Variants in PLEKHH2 observed in about 807,000 individuals in gnomAD.
PLEKHH2 encodes pleckstrin homology, MyTH4 and FERM domain containing H2, also known as pleckstrin homology domain-containing family H member 2.
In PLEKHH2, 129 loss-of-function variants were observed where a neutral mutation model predicts 187.9. The observed-to-expected ratio is 0.69, with a 90% CI of 0.59 to 0.79. The LOEUF (loss-of-function observed/expected upper bound fraction) is 0.79, where lower values mean the gene tolerates loss of function less well. Among genes scored for constraint, PLEKHH2 ranks in the 30% least tolerant of loss-of-function variants. PLEKHH2 has a pLI of 0.00. For synonymous variants in PLEKHH2, 686 were observed against 605.6 expected (o/e 1.13, Z -1.95); for missense variants, 2,076 against 1,751.2 (o/e 1.19, Z -3.31).
At chr2:43,726,124 CAAAA>C (rs3066315) in intron 16 of PLEKHH2, 144 bp from the exon 17 acceptor site, 7,026 of 452,556 alleles carry the variant, frequency 0.016, no homozygotes, top group South Asian at 0.03. Flanking sequence ...AACCCTGTCT[CAAAA>C]AAAAAAAAAA....
At chr2:43,640,269 A>G (rs1161571015) in intron 1 of PLEKHH2, among the ~76,000 whole-genome samples, 1 of 149,564 alleles carries the variant, frequency 6.7e-6, no homozygotes, top group Non-Finnish European at 1.5e-5. Context: ...AGTGCAGTGT[A>G]TGATCATAGC....
rs754351295 is a variant in PLEKHH2, at chr2:43,743,837, GT to G, written c.3405del (p.Gly1136ValfsTer12). The G allele has an allele frequency of 6.2e-7, 1 of 1,611,890 alleles. No homozygotes were observed. Among genetic ancestry groups the G allele is most frequent in the South Asian group, 1.1e-5 (1 of 90,800 alleles). On this transcript the variant is annotated frameshift_variant, in exon 23 of 30. Transcript: ENST00000282406. LOFTEE classifies it high-confidence loss of function. ...CTGCTTTGTTATTTCTGTCTAGGTA[GT>G]TGGTTTTGACGCATCTACCACAGTG... ...VHFMNGIYQV[V>X]GFDASTTVEE...
intron 2 of PLEKHH2, among the ~76,000 whole-genome samples, chr2:43,657,733 A>G (rs1379259354): frequency 1.3e-5 from 2 of 152,230 alleles, no homozygotes; most frequent in African/African-American, 4.8e-5. Context: ...TGCACCATGC[A>G]GGTCTGTCTG....
chr2:43,666,471 T>C (rs1667220841), intron 2 of PLEKHH2, among the ~76,000 whole-genome samples: 1 of 147,190 alleles, frequency 6.8e-6, no homozygotes, highest in African/African-American at 2.7e-5. Flanking sequence ...ACCGGAGCTG[T>C]TCCTATTCGG....
At chr2:43,763,726 A>T (rs1024385872) in intron 28 of PLEKHH2, among the ~76,000 whole-genome samples, 4 of 152,060 alleles carry the variant, frequency 2.6e-5, no homozygotes, top group African/African-American at 9.7e-5. Flanking sequence ...TTGGAAACAC[A>T]TTAGAAAAAA....
intron 2 of PLEKHH2, among the ~76,000 whole-genome samples, chr2:43,655,116 G>A (rs539204361): frequency 6.6e-6 from 1 of 152,230 alleles, no homozygotes; most frequent in East Asian, 1.9e-4. Flanking sequence ...TGAGGCAAGA[G>A]GATCGCCTGA....
intron 25 of PLEKHH2, among the ~76,000 whole-genome samples, chr2:43,754,270 C>G (rs1672126179): frequency 6.6e-6 from 1 of 151,948 alleles, no homozygotes. Flanking sequence ...GCGAGGCATC[C>G]TGGCACCTCT....
chr2:43,700,689 G>T (rs1292051164), intron 8 of PLEKHH2, 81 bp downstream of exon 8: 5 of 1,490,996 alleles, frequency 3.4e-6, no homozygotes, highest in African/African-American at 1.4e-5. Flanking sequence ...GTCTCGCTCT[G>T]TCGCCCAAGC....
In PLEKHH2 at chr2:43,767,209, T is replaced by G. The variant is rs1471153511; in HGVS notation, c.*1611T>G. 1 of 152,352 alleles carries G rather than the reference T, an allele frequency of 6.6e-6. No homozygotes were observed. Among genetic ancestry groups the G allele is most frequent in the African/African-American group, 2.4e-5 (1 of 41,458 alleles). 9.4% of individuals were successfully genotyped at this position (152,352 alleles called of 1,614,324 possible). On this transcript the variant is annotated 3_prime_UTR_variant, in exon 30 of 30. Transcript: ENST00000282406. ...ACTTTGTCATTTTTTTTAACCAATT[T>G]GAGAAATGTTAGCTGCTGAATTAAT...
chr2:43,744,841 C>G (rs1671710681), intron 23 of PLEKHH2, among the ~76,000 whole-genome samples: 1 of 140,014 alleles, frequency 7.1e-6, no homozygotes, highest in African/African-American at 2.7e-5. Flanking sequence ...GCACTCCAGC[C>G]TGGGTGACAG....
At chr2:43,642,928 A>G (rs1219380222) in intron 1 of PLEKHH2, among the ~76,000 whole-genome samples, 1 of 152,140 alleles carries the variant, frequency 6.6e-6, no homozygotes, top group African/African-American at 2.4e-5. Context: ...CTTAAGCTAG[A>G]AGAGTATCCC....
In PLEKHH2 at chr2:43,704,015, T is replaced by C. The variant is rs1235403897; in HGVS notation, c.1685T>C (p.Ile562Thr). ...ATTTATGCTGTAGCCAAATCAGGTA[T>C]TCGAATGTCTGAGGCCTTCAATATG... ...SRIYAVAKSGIRMSEAFNMES... is the reference protein window; with the variant it reads ...SRIYAVAKSGTRMSEAFNMES... The change falls in exon 9 of 30, where the codon ATT (isoleucine) becomes ACT (threonine). Residue 562 changes from isoleucine (I) to threonine (T), a missense_variant. By Grantham distance (89) the Ile-to-Thr change is moderately conservative (BLOSUM62 -1). Coordinates refer to ENST00000282406, the MANE Select transcript of PLEKHH2 (RefSeq NM_172069.4). 9 of 1,602,310 alleles carry C rather than the reference T, an allele frequency of 5.6e-6. No individual in the cohort carries two copies. Among genetic ancestry groups the C allele is most frequent in the Non-Finnish European group, 7.7e-6 (9 of 1,173,530 alleles).
rs756496742 is a variant in PLEKHH2 at position 43,697,194 on chromosome 2, A to C, written c.526A>C (p.Thr176Pro). ...AGAAGTTCAAGGAAAGAAGTCATCC[A>C]CTGTCTCTACACTAAAGCTTTCGGA... The part of the protein sequence containing the change: ...LQEVQGKKSS[T>P]VSTLKLSEGQ... Residue 176 changes from threonine (T) to proline (P), a missense_variant, in exon 7 of 30, where the codon ACT becomes CCT. By Grantham distance (38) the Thr-to-Pro change is conservative (BLOSUM62 -1). Coordinates refer to ENST00000282406, the MANE Select transcript of PLEKHH2 (RefSeq NM_172069.4). 21 of 1,586,750 alleles carry C rather than the reference A, an allele frequency of 1.3e-5. No homozygotes were observed. The highest frequency in any genetic ancestry group is 1.8e-5 in the Non-Finnish European group (21 of 1,170,640).
intron 9 of PLEKHH2, among the ~76,000 whole-genome samples, 157 bp downstream of exon 9, chr2:43,704,213 GT>G (rs1338270934): frequency 6.6e-6 from 1 of 152,254 alleles, no homozygotes; most frequent in East Asian, 1.9e-4. Context: ...GGAATAGAAA[GT>G]AGAATGGCGG....
intron 19 of PLEKHH2, among the ~76,000 whole-genome samples, chr2:43,736,433 G>A (rs1260029834): frequency 6.6e-6 from 1 of 152,178 alleles, no homozygotes; most frequent in Non-Finnish European, 1.5e-5. Context: ...TTACTGTCTG[G>A]AGAGATTCAA....
chr2:43,746,729 GGGAGGCCGAGGCAGGT>G (rs1424963944), intron 24 of PLEKHH2, among the ~76,000 whole-genome samples: 1 of 151,990 alleles, frequency 6.6e-6, no homozygotes, highest in Non-Finnish European at 1.5e-5. Flanking sequence ...ATGTTTCTTT[GGGAGGCCGAGGCAGGT>G]GGATCACGAG....
intron 8 of PLEKHH2, among the ~76,000 whole-genome samples, chr2:43,701,342 C>G (rs1364352848): frequency 1.3e-5 from 2 of 152,178 alleles, no homozygotes; most frequent in African/African-American, 4.8e-5. Context: ...CCAGTTTCTC[C>G]TTCTCAGCTT....
chr2:43,711,565 A>G (rs991812374), intron 14 of PLEKHH2: 1 of 975,438 alleles, frequency 1.0e-6, no homozygotes, highest in Non-Finnish European at 1.2e-6. Context: ...CTATTTTATT[A>G]TAGTCTTTAA....
chr2:43,743,858 A>C lies in PLEKHH2; in HGVS notation c.3424A>C (p.Thr1142Pro). 1 of 1,614,062 alleles carries C rather than the reference A, an allele frequency of 6.2e-7. No individual in the cohort carries two copies. The highest frequency in any genetic ancestry group is 1.3e-5 in the African/African-American group (1 of 75,050). ...GGTAGTTGGTTTTGACGCATCTACC[A>C]CAGTGGAAGAATTTTTGAATACTTT... ...YQVVGFDAST[T>P]VEEFLNTLNQ... is the part of the protein sequence containing the mutation. The change falls in exon 23 of 30, where the codon ACA becomes CCA. Residue 1142 changes from threonine to proline, a missense_variant. Coordinates refer to ENST00000282406, the MANE Select transcript of PLEKHH2 (RefSeq NM_172069.4).
Sources: gnomAD v4.1 joint callset for allele counts (sites outside exome capture counted in the v4.1 genomes callset) on GRCh38, gnomAD v4.1.1 for gene constraint, MANE v1.5 for transcripts, NCBI Gene and HGNC (gene_info 2026-07-23, HGNC 2026-07-21) for gene names.